Variants in NCOA7 observed in about 807,000 individuals in gnomAD.
NCOA7 encodes 140 kDa estrogen receptor-associated protein.
NCOA7 carries 45 observed loss-of-function variants against 104.3 expected under a neutral mutation model. The ratio of observed to expected loss-of-function variants is 0.43; its 90% CI spans 0.34 to 0.55. The LOEUF is 0.55. NCOA7 is among the 20% of genes least tolerant of loss of function. The pLI is 0.02. For synonymous variants in NCOA7, 398 were observed against 402.3 expected, an observed-to-expected ratio of 0.99 and a Z score of 0.13; for missense variants, 1,041 against 1,119.7, an observed-to-expected ratio of 0.93 and a Z score of 1.00.
chr6:125,888,972 G>A lies in NCOA7; in HGVS notation c.918G>A (p.Arg306=), dbSNP rs771499261. ...DLPQDLCPLY[R]PGEWEDLASE... Reference sequence around the variant, plus strand: ...CTCAGGATCTTTGTCCTCTGTACAGGCCTGGAGAATGGGAAGACCTGGCTT... The same window carrying A: ...CTCAGGATCTTTGTCCTCTGTACAGACCTGGAGAATGGGAAGACCTGGCTT... The change falls in exon 9 of 16, where the codon AGG becomes AGA. Residue 306 remains arginine, a synonymous_variant. Transcript: ENST00000392477. 6.2e-7 allele frequency: 1 copy of A among 1,613,750 alleles called. No individual in the cohort carries two copies. Among genetic ancestry groups the A allele is most frequent in the Non-Finnish European group, 8.5e-7 (1 of 1,179,850 alleles).
At chr6:125,809,615 T>C (rs1000415845) in intron 1 of NCOA7, among the ~76,000 whole-genome samples, 1 of 152,224 alleles carries the variant, frequency 6.6e-6, no homozygotes, top group African/African-American at 2.4e-5. Flanking sequence ...TTTGTTTAGA[T>C]GACAGTGTGG....
intron 2 of NCOA7, among the ~76,000 whole-genome samples, chr6:125,843,702 G>A (rs1049041247): frequency 2.6e-5 from 4 of 151,988 alleles, no homozygotes; most frequent in Admixed American, 1.3e-4. Context: ...CTTATTACCT[G>A]GAGTGAGTTC....
chr6:125,807,270 T>G (rs903001873), intron 1 of NCOA7, among the ~76,000 whole-genome samples: 49 of 152,356 alleles, frequency 3.2e-4, no homozygotes, highest in African/African-American at 1.2e-3. Flanking sequence ...ACTAATATTC[T>G]TAAAATCTAG....
At chr6:125,848,861 G>A (rs1780864143) in intron 2 of NCOA7, among the ~76,000 whole-genome samples, 1 of 152,094 alleles carries the variant, frequency 6.6e-6, no homozygotes, top group Admixed American at 6.6e-5. Context: ...CCTTAAATAA[G>A]AAGATGGGAG....
chr6:125,857,667 TCTC>T (rs1312412959), intron 3 of NCOA7, among the ~76,000 whole-genome samples: 3 of 151,184 alleles, frequency 2.0e-5, no homozygotes, highest in East Asian at 3.9e-4. Flanking sequence ...TTGAAGCAAT[TCTC>T]CTGCCTCAGC....
intron 6 of NCOA7, among the ~76,000 whole-genome samples, 188 bp from the exon 7 acceptor site, chr6:125,882,238 A>G (rs1311757019): frequency 2.0e-5 from 3 of 152,156 alleles, no homozygotes; most frequent in African/African-American, 7.2e-5. Context: ...AAGAAAAAAA[A>G]AACAGTTTGA....
At chr6:125,913,332 C>G (rs1366587659) in intron 10 of NCOA7, among the ~76,000 whole-genome samples, 1 of 152,174 alleles carries the variant, frequency 6.6e-6, no homozygotes, top group African/African-American at 2.4e-5. Flanking sequence ...CTTAAGAGAC[C>G]TCTGTGATTT....
chr6:125,781,993 G>GC (rs1774248370), intron 1 of NCOA7, among the ~76,000 whole-genome samples: 1 of 152,018 alleles, frequency 6.6e-6, no homozygotes, highest in Non-Finnish European at 1.5e-5. Context: ...TGGCTATTAG[G>GC]CACTAAAATG....
chr6:125,870,861 G>A (rs1223891006), intron 3 of NCOA7, among the ~76,000 whole-genome samples: 1 of 152,138 alleles, frequency 6.6e-6, no homozygotes, highest in African/African-American at 2.4e-5. Flanking sequence ...CTTGGGTTGA[G>A]GTCAACACAG....
intron 10 of NCOA7, among the ~76,000 whole-genome samples, chr6:125,913,321 C>T (rs1316957265): frequency 1.3e-5 from 2 of 152,176 alleles, no homozygotes; most frequent in African/African-American, 4.8e-5. Flanking sequence ...AATCCTTCTT[C>T]CTTAAGAGAC....
At chr6:125,871,638 G>A (rs1782915675) in intron 3 of NCOA7, among the ~76,000 whole-genome samples, 2 of 152,208 alleles carry the variant, frequency 1.3e-5, no homozygotes, top group Admixed American at 6.5e-5. Context: ...TCAGTGAAAA[G>A]TGTTGCCTCA....
At chr6:125,783,312 T>C (rs1337099467) in intron 1 of NCOA7, among the ~76,000 whole-genome samples, 1 of 152,180 alleles carries the variant, frequency 6.6e-6, no homozygotes, top group Non-Finnish European at 1.5e-5. Context: ...CAAATATCAA[T>C]GGTGGAAGTG....
At chr6:125,845,272 TA>T (rs1162885242) in intron 2 of NCOA7, among the ~76,000 whole-genome samples, 2 of 151,112 alleles carry the variant, frequency 1.3e-5, no homozygotes, top group Non-Finnish European at 3.0e-5. Flanking sequence ...CTATCTGATT[TA>T]AAAAAAAAGT....
At chr6:125,926,333 G>A (rs1321924800) in intron 13 of NCOA7, among the ~76,000 whole-genome samples, 1 of 151,668 alleles carries the variant, frequency 6.6e-6, no homozygotes, top group Non-Finnish European at 1.5e-5. Flanking sequence ...AAGGGAGGGG[G>A]GTGGTGGAAT....
chr6:125,822,660 C>A (rs1258819275), intron 2 of NCOA7, among the ~76,000 whole-genome samples: 8 of 152,126 alleles, frequency 5.3e-5, no homozygotes, highest in African/African-American at 1.9e-4. Flanking sequence ...TAGGGCCAAG[C>A]ATGGTGGCCC....
At chr6:125,866,539 G>A (rs1407347657) in intron 3 of NCOA7, among the ~76,000 whole-genome samples, 1 of 151,872 alleles carries the variant, frequency 6.6e-6, no homozygotes, top group African/African-American at 2.4e-5. Context: ...AAATTCTTAG[G>A]GTAACTCTTT....
intron 10 of NCOA7, among the ~76,000 whole-genome samples, chr6:125,894,187 T>C (rs1784826070): frequency 2.0e-5 from 3 of 152,150 alleles, no homozygotes; most frequent in African/African-American, 4.8e-5. Context: ...GGGGGTGAAT[T>C]GTATGTTTAG....
rs72969766 is a variant in NCOA7, at chr6:125,853,673, G to T, written c.51-1347G>T. ...TGTCTCATTTTTCTTACCATGCTTA[G>T]TTGTCATGTCTTTATGATTGTATTA... On this transcript the variant is annotated intron_variant, in intron 2 of 15. Transcript: ENST00000392477. 9.5e-3 allele frequency among the ~76,000 whole-genome samples: 1,450 copies of T among 152,140 alleles called. 7 individuals carry two copies. Among genetic ancestry groups the T allele is most frequent in the Middle Eastern group, 0.014 (4 of 294 alleles).
At chr6:125,827,698 A>G (rs1269277949) in intron 2 of NCOA7, among the ~76,000 whole-genome samples, 1 of 152,164 alleles carries the variant, frequency 6.6e-6, no homozygotes, top group Non-Finnish European at 1.5e-5. Context: ...GAAGGACGGG[A>G]ATATTCTAGG....
Sources: gnomAD v4.1 joint callset for allele counts (sites outside exome capture counted in the v4.1 genomes callset) on GRCh38, gnomAD v4.1.1 for gene constraint, MANE v1.5 for transcripts, NCBI Gene and HGNC (gene_info 2026-07-23, HGNC 2026-07-21) for gene names.